Variants in WDFY3 observed in about 807,000 individuals in gnomAD.
WDFY3 encodes WD repeat and FYVE domain-containing protein 3.
A neutral mutation model predicts 409.6 loss-of-function variants in WDFY3; 66 were observed. The observed-to-expected ratio is 0.16, with a 90% confidence interval of 0.13 to 0.20. The LOEUF is 0.20. WDFY3 is among the 10% of genes least tolerant of loss of function. The pLI, the probability that WDFY3 is intolerant of heterozygous loss-of-function variation, is 1.00. For missense variants in WDFY3, 3,031 were observed against 4,298.1 expected (o/e 0.71, Z 8.24); for synonymous variants, 1,521 against 1,537.1 (o/e 0.99, Z 0.25).
At chr4:84,682,263 A>G in intron 64 of WDFY3, 111 bp downstream of exon 64, 1 of 936,816 alleles carries the variant, frequency 1.1e-6, no homozygotes, top group Non-Finnish European at 1.6e-6. Flanking sequence ...TGCTTCTCCA[A>G]GCAGTGCCCA....
At chr4:84,860,350 C>CCTTCAGATT (rs1343317180) in intron 4 of WDFY3, 62 bp downstream of exon 4, 4 of 1,521,854 alleles carry the variant, frequency 2.6e-6, no homozygotes, top group Non-Finnish European at 2.7e-6. Context: ...TTACCAGTAA[C>CCTTCAGATT]CTTCAGATTC....
At chr4:84,864,303 T>C (rs935934271) in intron 3 of WDFY3, among the ~76,000 whole-genome samples, 8 of 147,310 alleles carry the variant, frequency 5.4e-5, no homozygotes, top group African/African-American at 1.3e-4. Context: ...CGAAGCGGAG[T>C]TGCAGTGAGC....
At chr4:84,702,603 GACA>G in intron 55 of WDFY3, 97 bp from the exon 56 acceptor site, 4 of 1,109,456 alleles carry the variant, frequency 3.6e-6, no homozygotes, top group Non-Finnish European at 4.9e-6. Flanking sequence ...TATAGTTGGT[GACA>G]TTTCAATTTC....
At chr4:84,697,140 T>A (rs143866992) in intron 56 of WDFY3, among the ~76,000 whole-genome samples, 1 of 152,342 alleles carries the variant, frequency 6.6e-6, no homozygotes, top group African/African-American at 2.4e-5. Flanking sequence ...AGGTTTAATA[T>A]GCTAACATGC....
At chr4:84,708,312 C>G (rs1336462810) in intron 53 of WDFY3, among the ~76,000 whole-genome samples, 1 of 152,180 alleles carries the variant, frequency 6.6e-6, no homozygotes, top group African/African-American at 2.4e-5. Context: ...ACACTTCAAA[C>G]TACACAGATG....
Position 84,770,650 on chromosome 4 carries a change from CAAG to C in WDFY3, c.4849+2182_4849+2184del, listed in dbSNP as rs146765267. Among the ~76,000 whole-genome samples the C allele has an allele frequency of 1.1e-4, 16 of 152,202 alleles. No homozygotes were observed. In the East Asian group the frequency reaches 2.3e-3, roughly 22 times the overall value. On this transcript the variant is annotated intron_variant, in intron 30 of 67. Coordinates refer to ENST00000295888, the MANE Select transcript of WDFY3 (RefSeq NM_014991.6). ...AATCATTATGGATACTTCAAGCTAC[CAAG>C]AAGAACCCAAGATCCTCACCTCTTC...
intron 1 of WDFY3, among the ~76,000 whole-genome samples, chr4:84,952,982 T>C (rs1773794740): frequency 6.6e-6 from 1 of 152,140 alleles, no homozygotes; most frequent in African/African-American, 2.4e-5. Flanking sequence ...GCATTCCTCA[T>C]GTTCACTGCA....
At chr4:84,776,200 T>C (rs950145898) in intron 27 of WDFY3, among the ~76,000 whole-genome samples, 4 of 152,040 alleles carry the variant, frequency 2.6e-5, no homozygotes, top group African/African-American at 7.2e-5. Context: ...TTGCAAAGTA[T>C]TTATAAGGTA....
intron 54 of WDFY3, 51 bp from the exon 55 acceptor site, chr4:84,704,495 A>T (rs1731590428): frequency 7.1e-7 from 1 of 1,406,394 alleles, no homozygotes; most frequent in Non-Finnish European, 9.9e-7. Context: ...AAATATGAAA[A>T]ATAAAATTGG....
At chr4:84,959,287 G>C (rs1361437722) in intron 1 of WDFY3, among the ~76,000 whole-genome samples, 1 of 150,402 alleles carries the variant, frequency 6.6e-6, no homozygotes, top group Non-Finnish European at 1.5e-5. Flanking sequence ...ATCTATTCAA[G>C]AATTTTAAGC....
chr4:84,904,432 G>A (rs1766757940), intron 2 of WDFY3, among the ~76,000 whole-genome samples: 1 of 151,956 alleles, frequency 6.6e-6, no homozygotes. Flanking sequence ...AAAATTCAAA[G>A]GTCACACAGC....
At chr4:84,884,736 TAAC>T (rs1322172061) in intron 3 of WDFY3, among the ~76,000 whole-genome samples, 2 of 152,190 alleles carry the variant, frequency 1.3e-5, no homozygotes, top group African/African-American at 4.8e-5. Flanking sequence ...CAGAATGGTA[TAAC>T]AACAAACTGA....
intron 4 of WDFY3, among the ~76,000 whole-genome samples, chr4:84,857,660 TTC>T (rs904208678): frequency 2.6e-5 from 4 of 152,310 alleles, no homozygotes; most frequent in African/African-American, 9.6e-5. Flanking sequence ...CTTGTCATAG[TTC>T]TCTCTCCCAT....
chr4:84,778,698 A>G (rs372595220), intron 26 of WDFY3, 43 bp from the exon 27 acceptor site: 62 of 1,578,538 alleles, frequency 3.9e-5, no homozygotes, highest in East Asian at 6.7e-5. Flanking sequence ...AAATCATCAT[A>G]TATATTCATT....
chr4:84,677,808 C>T (rs1726566103), intron 66 of WDFY3, among the ~76,000 whole-genome samples: 2 of 151,328 alleles, frequency 1.3e-5, no homozygotes, highest in Non-Finnish European at 2.9e-5. Flanking sequence ...ATAAAAAATA[C>T]AAAAATTAGC....
intron 58 of WDFY3, among the ~76,000 whole-genome samples, chr4:84,695,499 C>CAGAGAGAGACAGAGAGAGAGAGAGAG (rs1217791319): frequency 2.7e-5 from 2 of 73,072 alleles, no homozygotes; most frequent in African/African-American, 9.0e-5. Context: ...CACACAGAGA[C>CAGAGAGAGACAGAGAGAGAGAGAGAG]AGAGAGAGAT....
intron 4 of WDFY3, among the ~76,000 whole-genome samples, chr4:84,855,212 T>G (rs760878111): frequency 6.6e-6 from 1 of 152,144 alleles, no homozygotes; most frequent in Non-Finnish European, 1.5e-5. Flanking sequence ...TTAAGAAAAT[T>G]AAGAGTTAGA....
chr4:84,717,363 C>A (rs1375397037), intron 48 of WDFY3, among the ~76,000 whole-genome samples: 1 of 152,082 alleles, frequency 6.6e-6, no homozygotes, highest in East Asian at 1.9e-4. Context: ...TAGAAAAACA[C>A]ATTTTAATAT....
At chr4:84,910,329 T>C (rs1345436666) in intron 2 of WDFY3, among the ~76,000 whole-genome samples, 1 of 152,160 alleles carries the variant, frequency 6.6e-6, no homozygotes, top group Non-Finnish European at 1.5e-5. Context: ...ATACAAGGGA[T>C]GATTGTATAT....
Sources: gnomAD v4.1 joint callset for allele counts (sites outside exome capture counted in the v4.1 genomes callset) on GRCh38, gnomAD v4.1.1 for gene constraint, MANE v1.5 for transcripts, NCBI Gene and HGNC (gene_info 2026-07-23, HGNC 2026-07-21) for gene names.